EVC2: variants seen among roughly 807,000 people sequenced by gnomAD.
EVC2 encodes limbin.
Under a neutral mutation model 149.3 loss-of-function variants are expected in EVC2, and 148 were observed. That is an observed-to-expected ratio of 0.99 (90% CI 0.87 to 1.14). The LOEUF is 1.14. EVC2 is among the 50% of genes most tolerant of loss of function. The pLI is 0.00. For synonymous variants in EVC2, 776 were observed against 649.9 expected (o/e 1.19, Z -2.95); for missense variants, 1,854 against 1,627.3 (o/e 1.14, Z -2.40).
chr4:5,586,336 A>G (rs937743641), intron 16 of EVC2, among the ~76,000 whole-genome samples: 1 of 152,048 alleles, frequency 6.6e-6, no homozygotes, highest in African/African-American at 2.4e-5. Flanking sequence ...TCTTTGACTT[A>G]TCCCAGGGTA....
At chr4:5,578,060 C>T (rs1289721203) in intron 17 of EVC2, among the ~76,000 whole-genome samples, 2 of 152,148 alleles carry the variant, frequency 1.3e-5, no homozygotes, top group Non-Finnish European at 2.9e-5. Context: ...ATGTGTCCCA[C>T]GTTTATAATC....
intron 1 of EVC2, among the ~76,000 whole-genome samples, chr4:5,705,307 A>G (rs1722064525): frequency 6.6e-6 from 1 of 152,178 alleles, no homozygotes; most frequent in Admixed American, 6.5e-5. Context: ...TTTCATCTCT[A>G]ATTCTTGGGA....
chr4:5,546,107 CT>C (rs1721611789), intron 21 of EVC2, among the ~76,000 whole-genome samples: 1 of 152,314 alleles, frequency 6.6e-6, no homozygotes, highest in South Asian at 2.1e-4. Context: ...CACTTTTACA[CT>C]GTTGGTGGGA....
In EVC2 at chr4:5,686,978, CGGGCAT is replaced by C. The variant is rs1313039015; in HGVS notation, c.707-1505_707-1500del. Among the ~76,000 whole-genome samples, 2 of 152,034 alleles carry C rather than the reference CGGGCAT, an allele frequency of 1.3e-5. No individual in the cohort carries two copies. Among genetic ancestry groups the C allele is most frequent in the African/African-American group, 4.8e-5 (2 of 41,394 alleles). ...GAATAAAAATAACAACAACAGTGGC[CGGGCAT>C]GGTGGCTCACGCCTGTAATCCTAGC... On this transcript the variant is annotated intron_variant, in intron 5 of 21. Transcript: ENST00000344408. This position sits in a 1 kb window ranked among gnomAD's most constrained non-coding sequence, Gnocchi z 5.4.
rs1262220826 is a variant in EVC2, at chr4:5,636,434, A to AT, written c.1470+4079dup. Among the ~76,000 whole-genome samples, 2 of 152,034 alleles carry AT rather than the reference A, an allele frequency of 1.3e-5. No individual in the cohort carries two copies. Among genetic ancestry groups the AT allele is most frequent in the Admixed American group, 1.3e-4 (2 of 15,262 alleles). ...TGTGTGTATTGAACACATACAGACTATTTTTTTCTTGTTGTTATTCCCTAA... is the reference window on the plus strand; with the variant it reads ...TGTGTGTATTGAACACATACAGACTATTTTTTTTCTTGTTGTTATTCCCTAA... On this transcript the variant is annotated intron_variant, in intron 10 of 21. Transcript: ENST00000344408. The surrounding 1 kb of genome is among the most constrained non-coding windows in gnomAD (Gnocchi z 4.6).
chr4:5,702,043 G>C (rs1024516499), intron 1 of EVC2, among the ~76,000 whole-genome samples: 2 of 152,218 alleles, frequency 1.3e-5, no homozygotes, highest in African/African-American at 4.8e-5. Flanking sequence ...TGCCACGGGG[G>C]TGCCTGGAAA....
intron 21 of EVC2, among the ~76,000 whole-genome samples, chr4:5,564,821 G>C (rs1722170040): frequency 6.6e-6 from 1 of 152,266 alleles, no homozygotes. Flanking sequence ...AAATAAAGGG[G>C]GCAGTGAGGC....
chr4:5,594,537 A>G (rs982012205), intron 16 of EVC2, among the ~76,000 whole-genome samples: 5 of 152,196 alleles, frequency 3.3e-5, no homozygotes, highest in African/African-American at 1.2e-4. Context: ...GAAAACTAAC[A>G]AACAGAAAGG....
chr4:5,706,886 G>A (rs924663289), intron 1 of EVC2, among the ~76,000 whole-genome samples: 9 of 152,112 alleles, frequency 5.9e-5, no homozygotes, highest in African/African-American at 1.9e-4. Context: ...TGCCCTTGAG[G>A]GTGAGGTACT....
At chr4:5,673,317 A>T (rs1047345715) in intron 7 of EVC2, among the ~76,000 whole-genome samples, 1 of 152,230 alleles carries the variant, frequency 6.6e-6, no homozygotes, top group Non-Finnish European at 1.5e-5. Flanking sequence ...GGAGGAGCCA[A>T]CAATGTCCCT....
chr4:5,557,546 C>T (rs2108762283), downstream of EVC2, among the ~76,000 whole-genome samples: 1 of 152,126 alleles, frequency 6.6e-6, no homozygotes, highest in Non-Finnish European at 1.5e-5. Context: ...TATGGGAATC[C>T]TAGCTAGTGT....
chr4:5,695,648 A>G (rs554074155), intron 2 of EVC2, among the ~76,000 whole-genome samples: 1 of 152,356 alleles, frequency 6.6e-6, no homozygotes, highest in East Asian at 1.9e-4. Flanking sequence ...CACACTGCAC[A>G]TGAAAGTGCT....
rs1721564411 is a variant in EVC2, at chr4:5,697,615, T to C, written c.261A>G (p.Glu87=). The change falls in exon 2 of 22, where the codon GAA becomes GAG. Residue 87 remains glutamate, a synonymous_variant. Coordinates refer to ENST00000344408, the MANE Select transcript of EVC2 (RefSeq NM_147127.5). ...CACCTGCAGTCTTAAAGTGACAGCA[T>C]TCCACTTTGGGCCAAATCATACAGG... ...DLPCMIWPKV[E]CCHFKTAVEA... is the part of the protein sequence containing the mutation. 1.2e-6 allele frequency: 2 copies of C among 1,614,154 alleles called. No individual in the cohort carries two copies. Among genetic ancestry groups the C allele is most frequent in the Non-Finnish European group, 8.5e-7 (1 of 1,180,024 alleles).
At chr4:5,641,405 C>G (rs1233386731) in intron 9 of EVC2, among the ~76,000 whole-genome samples, 2 of 152,142 alleles carry the variant, frequency 1.3e-5, no homozygotes, top group African/African-American at 4.8e-5. Flanking sequence ...ATAGGGGAAC[C>G]TGGGTTCAGG....
intron 6 of EVC2, among the ~76,000 whole-genome samples, chr4:5,684,528 TC>T (rs1720560932): frequency 1.3e-5 from 2 of 152,132 alleles, no homozygotes; most frequent in African/African-American, 2.4e-5. Context: ...AAGCAGAGCA[TC>T]ATGATCTCCT....
chr4:5,706,820 T>C (rs1324228063), intron 1 of EVC2, among the ~76,000 whole-genome samples: 1 of 152,104 alleles, frequency 6.6e-6, no homozygotes, highest in Admixed American at 6.5e-5. Context: ...GTGCTCAAGA[T>C]GCCAAGGGCA....
intron 5 of EVC2, among the ~76,000 whole-genome samples, chr4:5,687,685 C>T (rs1720818808): frequency 6.6e-6 from 1 of 152,100 alleles, no homozygotes; most frequent in African/African-American, 2.4e-5. Context: ...AGGTGCTTTC[C>T]TGACCCACAC....
chr4:5,693,521 G>C lies in EVC2; in HGVS notation c.450+814C>G, dbSNP rs141945847. Among the ~76,000 whole-genome samples the C allele has an allele frequency of 1.1e-3, 160 of 152,358 alleles. 2 individuals are homozygous for C. The highest frequency in any genetic ancestry group is 3.7e-3 in the African/African-American group (154 of 41,590). On this transcript the variant is annotated intron_variant, in intron 3 of 21. Transcript: ENST00000344408. ...CCTGGAGCCACCAGAAGCTGGAAGA[G>C]GGAGGAGGATGCTCCCCTAGAGCCT...
At chr4:5,685,218 G>C in intron 6 of EVC2, 152 bp downstream of exon 6, 1 of 780,642 alleles carries the variant, frequency 1.3e-6, no homozygotes, top group South Asian at 1.5e-5. Flanking sequence ...ATGGCAAGGC[G>C]TGTGAGACTC....
Sources: allele counts gnomAD v4.1 joint callset (sites outside exome capture counted in the v4.1 genomes callset), GRCh38; gene constraint gnomAD v4.1.1; non-coding constraint Gnocchi (gnomAD v3.1); transcripts MANE v1.5; gene names NCBI Gene and HGNC (gene_info 2026-07-23, HGNC 2026-07-21).